Variants in MIS18BP1 observed in about 807,000 individuals in gnomAD.
MIS18BP1 encodes the protein MIS18 binding protein 1, also known as mis18-binding protein 1.
In MIS18BP1, 72 loss-of-function variants were observed where a neutral mutation model predicts 116.1. The ratio of observed to expected loss-of-function variants is 0.62; its 90% CI spans 0.51 to 0.75. MIS18BP1 has a LOEUF of 0.75. Ranked by LOEUF, MIS18BP1 falls within the 30% of genes least tolerant of loss-of-function variation. The pLI is 0.00. For synonymous variants in MIS18BP1, 386 were observed against 427.0 expected, an observed-to-expected ratio of 0.90 and a Z score of 1.18; for missense variants, 1,363 against 1,303.2, an observed-to-expected ratio of 1.05 and a Z score of -0.71.
At position 45,224,530 on chromosome 14, in the gene MIS18BP1, C is replaced by T. The variant is rs766411498; in HGVS notation, c.2057G>A (p.Cys686Tyr). ...KAVTDFVIPE[C>Y]QKKSPISKSM... ...CTTGCTGATGGGACTTTTTTTTTGACACTCTGGTATTACAAAATCTGTTAC... is the reference window on the plus strand; with the variant it reads ...CTTGCTGATGGGACTTTTTTTTTGATACTCTGGTATTACAAAATCTGTTAC... Residue 686 changes from cysteine to tyrosine, a missense_variant, in exon 11 of 17, where the codon TGT (cysteine) becomes TAT (tyrosine). By Grantham distance (194) the Cys-to-Tyr change is radical (BLOSUM62 -2). Coordinates refer to ENST00000310806, the MANE Select transcript of MIS18BP1 (RefSeq NM_018353.5). 3.1e-6 allele frequency: 5 copies of T among 1,611,348 alleles called. No homozygotes were observed. The highest frequency in any genetic ancestry group is 4.2e-6 in the Non-Finnish European group (5 of 1,179,322).
chr14:45,239,887 A>G (rs1891529142), intron 4 of MIS18BP1, among the ~76,000 whole-genome samples: 1 of 152,208 alleles, frequency 6.6e-6, no homozygotes, highest in African/African-American at 2.4e-5. Flanking sequence ...GAGAAACAAG[A>G]GTCCAAGATG....
In MIS18BP1 at chr14:45,204,057, A is replaced by AAC. The variant is rs113952696; in HGVS notation, c.*50_*51dup. The AAC allele has an allele frequency of 1.4e-3, 2,249 of 1,577,780 alleles. 39 individuals carry two copies. In the African/African-American group the frequency reaches 0.026, roughly 18 times the overall value. ...TACATGTACTCCAGTTGAAAATACA[A>AAC]ACACTGTCTGCTTTATGGTAAAAAT... On this transcript the variant is annotated 3_prime_UTR_variant, in exon 17 of 17. Coordinates refer to ENST00000310806, the MANE Select transcript of MIS18BP1 (RefSeq NM_018353.5).
intron 7 of MIS18BP1, among the ~76,000 whole-genome samples, chr14:45,231,754 G>GA (rs578231697): frequency 1.4e-4 from 21 of 152,218 alleles, no homozygotes; most frequent in African/African-American, 5.1e-4. Flanking sequence ...GCCCTTTACA[G>GA]AAAAAAACTG....
chr14:45,253,081 G>C lies in MIS18BP1; in HGVS notation c.-138C>G, dbSNP rs1380719316. 1.3e-5 allele frequency: 2 copies of C among 152,370 alleles called. No individual in the cohort carries two copies. Among genetic ancestry groups the C allele is most frequent in the Non-Finnish European group, 2.9e-5 (2 of 68,142 alleles). 9.4% of individuals were successfully genotyped at this position (152,370 alleles called of 1,614,324 possible). A position where few individuals can be genotyped will look rare whatever the true frequency, so the allele number is the denominator to read the frequency against. On this transcript the variant is annotated 5_prime_UTR_variant, in exon 1 of 17. Transcript: ENST00000310806. ...GGAGAGACTGCCGCAGTTCCGGCTC[G>C]GCTCCGCGCGGAGAGAGGGCCGCAC...
chr14:45,227,548 A>AG, intron 9 of MIS18BP1, 115 bp downstream of exon 9: 6 of 884,928 alleles, frequency 6.8e-6, no homozygotes, highest in Non-Finnish European at 9.9e-6. Context: ...CCATCTCAAA[A>AG]GAAAAAAAAA....
intron 7 of MIS18BP1, among the ~76,000 whole-genome samples, chr14:45,232,226 C>A (rs181809063): frequency 5.1e-4 from 77 of 151,726 alleles, no homozygotes; most frequent in African/African-American, 1.6e-3. Context: ...ACCATCCTGG[C>A]TAACATGGTG....
At chr14:45,249,450 G>A (rs1309421972) in intron 1 of MIS18BP1, among the ~76,000 whole-genome samples, 1 of 152,116 alleles carries the variant, frequency 6.6e-6, no homozygotes, top group Admixed American at 6.5e-5. Context: ...CAAACTCCTG[G>A]GCTCAAGTGA....
intron 1 of MIS18BP1, 107 bp from the exon 2 acceptor site, chr14:45,247,484 A>C: frequency 2.2e-6 from 1 of 445,694 alleles, no homozygotes; most frequent in Non-Finnish European, 3.9e-6. Flanking sequence ...TAACTGGTTC[A>C]TAACAATACT....
chr14:45,227,400 G>A (rs767777987), intron 9 of MIS18BP1, among the ~76,000 whole-genome samples: 1 of 151,854 alleles, frequency 6.6e-6, no homozygotes, highest in Non-Finnish European at 1.5e-5. Flanking sequence ...CCAGCTACTC[G>A]GGAAGCTGAG....
chr14:45,242,060 C>T lies in MIS18BP1; in HGVS notation c.1117G>A (p.Val373Ile). The T allele has an allele frequency of 6.2e-7, 1 of 1,609,710 alleles. No individual in the cohort carries two copies. Among genetic ancestry groups the T allele is most frequent in the Non-Finnish European group, 8.5e-7 (1 of 1,178,330 alleles). ...TGATTTTTTTTAAGTCCATTTGTAA[C>T]AGTTTGAAATATTCTTGGAGGAGAA... Reference protein sequence around the residue: ...KLSPPRIFQTVTNGLKKNQVV... With the variant: ...KLSPPRIFQTITNGLKKNQVV... The change falls in exon 4 of 17, where the codon GTT becomes ATT. Residue 373 changes from valine (V) to isoleucine (I), a missense_variant. By Grantham distance (29) the Val-to-Ile change is conservative. Transcript: ENST00000310806.
intron 4 of MIS18BP1, among the ~76,000 whole-genome samples, chr14:45,240,458 C>T (rs1891544857): frequency 6.6e-6 from 1 of 151,748 alleles, no homozygotes; most frequent in South Asian, 2.1e-4. Context: ...AATTTTCTCC[C>T]TACCTACACG....
intron 11 of MIS18BP1, among the ~76,000 whole-genome samples, chr14:45,222,928 C>T (rs2139179521): frequency 6.6e-6 from 1 of 152,224 alleles, no homozygotes; most frequent in African/African-American, 2.4e-5. Context: ...AGGTACTTGC[C>T]CCACTACTTT....
At chr14:45,230,233 C>A (rs1891238292) in intron 8 of MIS18BP1, among the ~76,000 whole-genome samples, 1 of 152,110 alleles carries the variant, frequency 6.6e-6, no homozygotes, top group South Asian at 2.1e-4. Context: ...TTAGAAAGAG[C>A]TGTAAGTTAA....
intron 8 of MIS18BP1, among the ~76,000 whole-genome samples, chr14:45,229,693 A>T (rs1288118066): frequency 6.6e-6 from 1 of 152,202 alleles, no homozygotes; most frequent in Non-Finnish European, 1.5e-5. Flanking sequence ...GAAATGGGGT[A>T]CAGGAAGAGG....
intron 12 of MIS18BP1, among the ~76,000 whole-genome samples, chr14:45,217,453 A>C (rs771626449): frequency 6.6e-6 from 1 of 152,150 alleles, no homozygotes. Context: ...AAAGCAAAAA[A>C]AGAAAGAAAA....
chr14:45,249,177 C>T (rs1486428001), intron 1 of MIS18BP1, among the ~76,000 whole-genome samples: 2 of 152,076 alleles, frequency 1.3e-5, no homozygotes, highest in Non-Finnish European at 2.9e-5. Flanking sequence ...CTGCAATCTC[C>T]ACCTCATGGG....
intron 1 of MIS18BP1, among the ~76,000 whole-genome samples, chr14:45,252,453 G>A (rs1045586771): frequency 2.6e-5 from 4 of 152,184 alleles, no homozygotes; most frequent in Non-Finnish European, 4.4e-5. Flanking sequence ...AACTCTGGAA[G>A]CGGTGAACCA....
intron 11 of MIS18BP1, among the ~76,000 whole-genome samples, chr14:45,219,119 A>G (rs183943939): frequency 2.6e-4 from 40 of 152,322 alleles, no homozygotes; most frequent in Non-Finnish European, 5.9e-5. Context: ...TTGTGGTTAG[A>G]TTGACAATTT....
At chr14:45,214,230 G>A (rs1237947902) in intron 13 of MIS18BP1, among the ~76,000 whole-genome samples, 1 of 152,102 alleles carries the variant, frequency 6.6e-6, no homozygotes, top group Non-Finnish European at 1.5e-5. Flanking sequence ...CTCGTCCCTG[G>A]GCAATAGAAT....
Sources: gnomAD v4.1 joint callset for allele counts (sites outside exome capture counted in the v4.1 genomes callset) on GRCh38, gnomAD v4.1.1 for gene constraint, MANE v1.5 for transcripts, NCBI Gene and HGNC (gene_info 2026-07-23, HGNC 2026-07-21) for gene names.